TTC6: variants seen among roughly 807,000 people sequenced by gnomAD.
TTC6 encodes the protein tetratricopeptide repeat domain 6.
TTC6 carries 172 observed loss-of-function variants against 210.4 expected under a neutral mutation model. The ratio of observed to expected loss-of-function variants is 0.82; its 90% CI spans 0.72 to 0.93. TTC6 has a LOEUF of 0.93. TTC6 is among the 40% of genes least tolerant of loss of function. The pLI, the probability that TTC6 is intolerant of heterozygous loss-of-function variation, is 0.00. For synonymous variants in TTC6, 804 were observed against 819.6 expected (o/e 0.98, Z 0.32); for missense variants, 2,414 against 2,318.1 (o/e 1.04, Z -0.85).
exon 19 of TTC6, chr14:37,796,344 T>C: frequency 7.9e-7 from 1 of 1,263,150 alleles, no homozygotes; most frequent in Non-Finnish European, 1.1e-6. Context: ...AAGTTTACTA[T>C]TTATCAAATA....
intron 20 of TTC6, among the ~76,000 whole-genome samples, chr14:37,800,626 T>G (rs1050259269): frequency 6.6e-6 from 1 of 152,154 alleles, no homozygotes; most frequent in Admixed American, 6.5e-5. Context: ...TTACAAATCT[T>G]CTTAACCAAA....
chr14:37,790,200 G>A (rs928748755), intron 15 of TTC6, among the ~76,000 whole-genome samples: 1 of 152,084 alleles, frequency 6.6e-6, no homozygotes, highest in African/African-American at 2.4e-5. Context: ...TTGCCTTGGT[G>A]TAGCCTCTTT....
At chr14:37,775,177 A>C (rs1233507404) in intron 14 of TTC6, among the ~76,000 whole-genome samples, 1 of 152,158 alleles carries the variant, frequency 6.6e-6, no homozygotes, top group African/African-American at 2.4e-5. Flanking sequence ...TTTCAAAAAC[A>C]TAACTACTGG....
chr14:37,756,097 A>G (rs1347602404), intron 14 of TTC6, among the ~76,000 whole-genome samples: 3 of 151,954 alleles, frequency 2.0e-5, no homozygotes, highest in East Asian at 3.9e-4. Context: ...TAGATATTTT[A>G]TTCTCTTTGT....
intron 14 of TTC6, among the ~76,000 whole-genome samples, chr14:37,771,611 C>T (rs2096019073): frequency 6.6e-6 from 1 of 152,144 alleles, no homozygotes; most frequent in African/African-American, 2.4e-5. Context: ...CCTGAGGCTT[C>T]TGCATTCTTC....
intron 1 of TTC6, among the ~76,000 whole-genome samples, chr14:37,660,974 G>A (rs1028297877): frequency 3.3e-5 from 5 of 152,126 alleles, no homozygotes; most frequent in Non-Finnish European, 4.4e-5. Flanking sequence ...CTGGCTACAT[G>A]AATGTCTTCT....
At chr14:37,671,436 C>T (rs953288315) in intron 1 of TTC6, among the ~76,000 whole-genome samples, 2 of 152,100 alleles carry the variant, frequency 1.3e-5, no homozygotes, top group African/African-American at 4.8e-5. Flanking sequence ...ACAATAGCTA[C>T]TAGAGCCTTT....
chr14:37,808,246 T>C (rs1440465606), intron 23 of TTC6, among the ~76,000 whole-genome samples: 1 of 152,164 alleles, frequency 6.6e-6, no homozygotes, highest in East Asian at 1.9e-4. Context: ...GTGTTAATTC[T>C]ATGAAAATTA....
chr14:37,786,021 C>T (rs2096066702), intron 14 of TTC6, among the ~76,000 whole-genome samples: 1 of 152,122 alleles, frequency 6.6e-6, no homozygotes, highest in African/African-American at 2.4e-5. Flanking sequence ...CTGTATGAGG[C>T]GTCTGTTGGC....
intron 10 of TTC6, among the ~76,000 whole-genome samples, chr14:37,739,916 C>A (rs1393549790): frequency 6.6e-6 from 1 of 152,024 alleles, no homozygotes; most frequent in Admixed American, 6.6e-5. Context: ...GTAATCCCAG[C>A]ACTTTGGGAG....
At chr14:37,726,512 A>G (rs1183549621) in intron 7 of TTC6, among the ~76,000 whole-genome samples, 7 of 152,104 alleles carry the variant, frequency 4.6e-5, no homozygotes, top group African/African-American at 1.7e-4. Context: ...CTGTTAGGCC[A>G]TATTTTATTT....
chr14:37,766,589 G>A (rs1354949110), intron 14 of TTC6, among the ~76,000 whole-genome samples: 5 of 152,000 alleles, frequency 3.3e-5, no homozygotes, highest in African/African-American at 7.2e-5. Context: ...TATGTACCAC[G>A]TTTTCTTTAC....
chr14:37,751,823 C>CTTTTTTT (rs71127240), intron 13 of TTC6, among the ~76,000 whole-genome samples: 1 of 125,502 alleles, frequency 8.0e-6, no homozygotes, highest in Non-Finnish European at 1.6e-5. Context: ...AGGAAATGAA[C>CTTTTTTT]TTTTTTTTTT....
At chr14:37,739,061 A>G (rs1440361029) in exon 10 of TTC6, 2 of 1,534,526 alleles carry the variant, frequency 1.3e-6, no homozygotes, top group Non-Finnish European at 1.7e-6. Context: ...TGTTTATCCC[A>G]AGAAAAAGAA....
chr14:37,761,515 G>T (rs1486874473), intron 14 of TTC6, among the ~76,000 whole-genome samples: 1 of 151,890 alleles, frequency 6.6e-6, no homozygotes, highest in Non-Finnish European at 1.5e-5. Flanking sequence ...TGTACAAAAT[G>T]GAAATGTACA....
chr14:37,807,387 A>G (rs1317063206), exon 23 of TTC6: 1 of 1,530,940 alleles, frequency 6.5e-7, no homozygotes, highest in African/African-American at 1.4e-5. Context: ...TTGAATTGTA[A>G]CAAGGCTATT....
intron 1 of TTC6, among the ~76,000 whole-genome samples, chr14:37,629,300 TCTC>T (rs1228839852): frequency 6.6e-6 from 1 of 152,166 alleles, no homozygotes; most frequent in East Asian, 1.9e-4. Context: ...GGTTTGTAGT[TCTC>T]CTTGAAGAGG....
intron 1 of TTC6, among the ~76,000 whole-genome samples, chr14:37,624,849 C>G (rs1346989687): frequency 1.3e-5 from 2 of 152,036 alleles, no homozygotes; most frequent in African/African-American, 4.8e-5. Context: ...TCTCGATCTC[C>G]TGACCTCGTG....
chr14:37,778,902 A>G (rs1362914577), intron 14 of TTC6, among the ~76,000 whole-genome samples: 1 of 152,156 alleles, frequency 6.6e-6, no homozygotes, highest in African/African-American at 2.4e-5. Context: ...CAACTCCCCT[A>G]GGGCTAAAGT....
Sources: gnomAD v4.1 joint callset for allele counts (sites outside exome capture counted in the v4.1 genomes callset) on GRCh38, gnomAD v4.1.1 for gene constraint, MANE v1.5 for transcripts, NCBI Gene and HGNC (gene_info 2026-07-23, HGNC 2026-07-21) for gene names.